MYO18B: variants seen among roughly 807,000 people sequenced by gnomAD.
MYO18B encodes unconventional myosin-XVIIIb.
MYO18B carries 204 observed loss-of-function variants against 273.0 expected under a neutral mutation model. The observed-to-expected ratio is 0.75, with a 90% CI of 0.67 to 0.84. The LOEUF (loss-of-function observed/expected upper bound fraction) is 0.84. Among genes scored for constraint, MYO18B ranks in the 40% least tolerant of loss-of-function variants. MYO18B has a pLI of 0.00. For missense variants in MYO18B, 3,212 were observed against 3,287.6 expected (o/e 0.98, Z 0.56); for synonymous variants, 1,330 against 1,305.7 (o/e 1.02, Z -0.40).
chr22:25,992,691 A>G (rs1292522870), intron 40 of MYO18B, among the ~76,000 whole-genome samples, 198 bp downstream of exon 40: 1 of 152,214 alleles, frequency 6.6e-6, no homozygotes, highest in Non-Finnish European at 1.5e-5. Context: ...TGCTGTTGCT[A>G]AAACCTCTCA....
rs898008537 is a variant in MYO18B, at chr22:25,902,630, C to A, written c.4841C>A (p.Ala1614Asp). The change falls in exon 30 of 44, where the codon GCC becomes GAC. Residue 1614 changes from alanine to aspartate, a missense_variant. Transcript: ENST00000335473. ...KKQKKFDLQLAQALGESVFEK... is the reference protein window; with the variant it reads ...KKQKKFDLQLDQALGESVFEK... Reference sequence around the variant, plus strand: ...TTGCACAGGTTTGACCTGCAGCTGGCCCAGGCCCTAGGTGAGTCAGTGTTT... The same window carrying A: ...TTGCACAGGTTTGACCTGCAGCTGGACCAGGCCCTAGGTGAGTCAGTGTTT... 6.2e-7 allele frequency: 1 copy of A among 1,606,908 alleles called. No homozygotes were observed. The highest frequency in any genetic ancestry group is 1.7e-5 in the Admixed American group (1 of 59,326).
In MYO18B at chr22:25,774,502, A is replaced by G. The variant is rs895282301; in HGVS notation, c.1869+1992A>G. ...GGATTGAGGCATCAGAACTTAGGCA[A>G]AAGCGCCAAAAGATGCAGGCATTGG... On this transcript the variant is annotated intron_variant, in intron 7 of 43. Transcript: ENST00000335473. Among the ~76,000 whole-genome samples the G allele has an allele frequency of 3.3e-5, 5 of 152,344 alleles. No individual in the cohort carries two copies. In the East Asian group the frequency reaches 9.6e-4, roughly 29 times the overall value.
intron 39 of MYO18B, among the ~76,000 whole-genome samples, chr22:25,989,252 G>A (rs1334257851): frequency 6.6e-6 from 1 of 152,140 alleles, no homozygotes; most frequent in African/African-American, 2.4e-5. Context: ...TCAGCTTTGT[G>A]GTCTCCCGGC....
chr22:25,987,602 T>A (rs1295214043), intron 39 of MYO18B, among the ~76,000 whole-genome samples: 1 of 152,156 alleles, frequency 6.6e-6, no homozygotes, highest in Non-Finnish European at 1.5e-5. Context: ...TCCCCAAACA[T>A]GTATTGAGTA....
intron 39 of MYO18B, among the ~76,000 whole-genome samples, chr22:25,957,988 C>T (rs2092874145): frequency 6.7e-6 from 1 of 149,116 alleles, no homozygotes; most frequent in African/African-American, 2.5e-5. Flanking sequence ...AATCTCAGCT[C>T]ACTGCAACCT....
At chr22:25,926,903 C>A (rs2092429419) in intron 34 of MYO18B, among the ~76,000 whole-genome samples, 1 of 152,136 alleles carries the variant, frequency 6.6e-6, no homozygotes, top group South Asian at 2.1e-4. Context: ...TATTAGTTCC[C>A]CAAATTAATA....
intron 15 of MYO18B, among the ~76,000 whole-genome samples, chr22:25,829,292 AAG>A (rs1277033860): frequency 1.3e-5 from 2 of 152,144 alleles, no homozygotes; most frequent in Non-Finnish European, 2.9e-5. Context: ...AGGCTCCTCC[AAG>A]AGTCAGTCTG....
At chr22:25,756,781 C>CAAATA (rs1235520884) in intron 1 of MYO18B, 10 of 152,286 alleles carry the variant, frequency 6.6e-5, no homozygotes, top group African/African-American at 2.4e-4. Context: ...ATATTGTTGG[C>CAAATA]TGGATGCAGT....
chr22:25,815,214 C>A (rs7286436), intron 12 of MYO18B, among the ~76,000 whole-genome samples: 2 of 152,188 alleles, frequency 1.3e-5, no homozygotes, highest in Non-Finnish European at 2.9e-5. Context: ...CCTGCCTTGG[C>A]GAGGGGCATG....
chr22:25,817,389 C>G (rs12169579), intron 12 of MYO18B, among the ~76,000 whole-genome samples: 2 of 123,394 alleles, frequency 1.6e-5, no homozygotes, highest in Non-Finnish European at 3.2e-5. Context: ...CTCCCTCCCT[C>G]CCTCCCTTCC....
chr22:26,026,633 G>T lies in MYO18B; in HGVS notation c.6659G>T (p.Arg2220Ile), dbSNP rs755369659. The change falls in exon 43 of 44, where the codon AGA becomes ATA. Residue 2220 changes from arginine to isoleucine, a missense_variant. By Grantham distance (97) the Arg-to-Ile change is moderately conservative (BLOSUM62 -3). Transcript: ENST00000335473. Reference protein sequence around the residue: ...VLAVQRKSTERLEPASSPLAS... With the variant: ...VLAVQRKSTEILEPASSPLAS... ...GCCGTCCAGAGAAAGTCCACAGAGA[G>T]ATTAGAACCTGCTTCCTCTCCCCTG... 4.5e-5 allele frequency: 73 copies of T among 1,613,268 alleles called. No homozygotes were observed. Among genetic ancestry groups the T allele is most frequent in the Non-Finnish European group, 6.1e-5 (72 of 1,179,448 alleles).
rs1210215719 is a variant in MYO18B, at chr22:25,984,783, AGT to A, written c.6157-7578_6157-7577del. On this transcript the variant is annotated intron_variant, in intron 39 of 43. Coordinates refer to ENST00000335473, the MANE Select transcript of MYO18B (RefSeq NM_032608.7). ...CTGCACTCTCCAGTCTGGGCAAGAGAGTGAGACCCCCATCTCTAAGAAAAAAA... is the reference window on the plus strand; with the variant it reads ...CTGCACTCTCCAGTCTGGGCAAGAGAGAGACCCCCATCTCTAAGAAAAAAA... Among the ~76,000 whole-genome samples, 3 of 150,790 alleles carry A rather than the reference AGT, an allele frequency of 2.0e-5. No individual in the cohort carries two copies. The East Asian group carries it at 5.8e-4, about 29-fold the overall frequency.
chr22:25,791,549 A>G (rs2087661757), intron 11 of MYO18B, among the ~76,000 whole-genome samples: 1 of 152,202 alleles, frequency 6.6e-6, no homozygotes, highest in South Asian at 2.1e-4. Context: ...ATCTGAAATC[A>G]CAAAGCTTTC....
At chr22:26,041,947 C>T in the MYO18B span, among the ~76,000 whole-genome samples, 3 of 152,196 alleles carry the variant, frequency 2.0e-5, no homozygotes, top group African/African-American at 4.8e-5. Context: ...CTCTCAGTCT[C>T]ACTGGTGGGA....
rs2090156281 is a variant in MYO18B at position 25,843,837 on chromosome 22, G to A, written c.3311G>A (p.Arg1104Lys). Residue 1104 changes from arginine to lysine, a missense_variant, in exon 18 of 44, where the codon AGA becomes AAA. Physicochemically the swap from Arg to Lys is conservative, Grantham distance 26 (BLOSUM62 2). Transcript: ENST00000335473. ...TACGACCTCACGGGCTGGCTCCACA[G>A]AGCCAAGCCCAACCTCTCGGCCCTG... Reference protein sequence around the residue: ...VRYDLTGWLHRAKPNLSALDA... With the variant: ...VRYDLTGWLHKAKPNLSALDA... The A allele has an allele frequency of 6.2e-7, 1 of 1,613,784 alleles. No individual in the cohort carries two copies. Among genetic ancestry groups the A allele is most frequent in the Non-Finnish European group, 8.5e-7 (1 of 1,179,690 alleles).
At chr22:25,774,339 G>C (rs1012279487) in intron 7 of MYO18B, among the ~76,000 whole-genome samples, 2 of 152,212 alleles carry the variant, frequency 1.3e-5, no homozygotes, top group Non-Finnish European at 2.9e-5. Context: ...CTTGTGGTGA[G>C]TGCTTAGGCT....
chr22:25,827,473 A>G (rs1248120964), intron 14 of MYO18B, among the ~76,000 whole-genome samples: 3 of 152,234 alleles, frequency 2.0e-5, no homozygotes, highest in East Asian at 1.9e-4. Flanking sequence ...CACTGAGCCC[A>G]TGCTTGGAAA....
intron 12 of MYO18B, among the ~76,000 whole-genome samples, chr22:25,802,897 A>G (rs1038746131): frequency 7.3e-5 from 11 of 151,680 alleles, no homozygotes; most frequent in Non-Finnish European, 1.5e-5. Context: ...GATGTTTGAC[A>G]TGAATGCAAT....
rs554256404 is a variant in MYO18B at position 25,752,820 on chromosome 22, G to A, written c.-109-8164G>A. ...GGAGCCGGCTCCCTCTGCTTGCCGG[G>A]AGGTGTGGAGGGAGGGACGCAGGCG... On this transcript the variant is annotated intron_variant, in intron 1 of 43. Transcript: ENST00000335473. Among the ~76,000 whole-genome samples the A allele has an allele frequency of 1.1e-4, 16 of 152,218 alleles. No homozygotes were observed. In the South Asian group the frequency reaches 1.2e-3, roughly 12 times the overall value.
Sources: allele counts gnomAD v4.1 joint callset (sites outside exome capture counted in the v4.1 genomes callset), GRCh38; gene constraint gnomAD v4.1.1; transcripts MANE v1.5; gene names NCBI Gene and HGNC (gene_info 2026-07-23, HGNC 2026-07-21).